ODAD2: variants seen among roughly 807,000 people sequenced by gnomAD.
The protein encoded by ODAD2 is outer dynein arm-docking complex subunit 2.
A neutral mutation model predicts 106.8 loss-of-function variants in ODAD2; 89 were observed. The ratio of observed to expected loss-of-function variants is 0.83; its 90% CI spans 0.70 to 0.99. The LOEUF (loss-of-function observed/expected upper bound fraction) is 0.99, where lower values mean the gene tolerates loss of function less well. ODAD2 is among the 50% of genes least tolerant of loss of function. The pLI is 0.00. For missense variants in ODAD2, 1,168 were observed against 1,238.5 expected (o/e 0.94, Z 0.85); for synonymous variants, 404 against 436.2 (o/e 0.93, Z 0.92).
chr10:27,855,834 T>A (rs1391838314), intron 19 of ODAD2, among the ~76,000 whole-genome samples: 2 of 152,208 alleles, frequency 1.3e-5, no homozygotes, highest in South Asian at 2.1e-4. Context: ...ATTGTATTTG[T>A]CTGCAATCTC....
At chr10:27,829,105 A>C (rs181995597) in intron 19 of ODAD2, among the ~76,000 whole-genome samples, 169 of 152,174 alleles carry the variant, frequency 1.1e-3, no homozygotes, top group Non-Finnish European at 1.8e-3. Flanking sequence ...AGAGAATTAA[A>C]AAGGAAAAAA....
chr10:27,993,972 ATATGTG>A (rs1169985169), intron 2 of ODAD2, among the ~76,000 whole-genome samples: 1 of 92,100 alleles, frequency 1.1e-5, no homozygotes, highest in East Asian at 3.1e-4. Context: ...ATATATATAT[ATATGTG>A]TGTGTGTGTG....
chr10:27,848,237 A>G (rs905272896), intron 19 of ODAD2, among the ~76,000 whole-genome samples: 6 of 152,240 alleles, frequency 3.9e-5, no homozygotes, highest in East Asian at 1.9e-4. Context: ...TAGACAAATG[A>G]AAGAGAACAG....
chr10:27,881,443 A>G (rs948076886), intron 17 of ODAD2, among the ~76,000 whole-genome samples: 2 of 152,046 alleles, frequency 1.3e-5, no homozygotes, highest in African/African-American at 4.8e-5. Flanking sequence ...CAGCCTGGGC[A>G]ACATAGCAAG....
intron 19 of ODAD2, among the ~76,000 whole-genome samples, chr10:27,853,900 T>C (rs143523047): frequency 6.6e-6 from 1 of 152,256 alleles, no homozygotes; most frequent in East Asian, 1.9e-4. Flanking sequence ...TAAATTGGAC[T>C]TCACCAGCGT....
intron 17 of ODAD2, among the ~76,000 whole-genome samples, chr10:27,885,917 A>G (rs1009228191): frequency 2.4e-5 from 3 of 126,186 alleles, no homozygotes; most frequent in Non-Finnish European, 3.2e-5. Flanking sequence ...ATATATATAT[A>G]TTTTTATATA....
At chr10:27,964,160 T>G (rs1848339924) in intron 9 of ODAD2, among the ~76,000 whole-genome samples, 1 of 152,164 alleles carries the variant, frequency 6.6e-6, no homozygotes, top group African/African-American at 2.4e-5. Context: ...AGGCAGAGGT[T>G]GCAATGAGGC....
At chr10:27,821,729 C>A (rs1227787893) in intron 19 of ODAD2, among the ~76,000 whole-genome samples, 1 of 152,176 alleles carries the variant, frequency 6.6e-6, no homozygotes, top group Non-Finnish European at 1.5e-5. Flanking sequence ...AAATTTGGTA[C>A]AAGTGATTAT....
At chr10:27,949,466 A>C (rs1158551296) in intron 10 of ODAD2, among the ~76,000 whole-genome samples, 1 of 152,186 alleles carries the variant, frequency 6.6e-6, no homozygotes, top group Non-Finnish European at 1.5e-5. Context: ...ATCTGGACAG[A>C]AAATAGGCGA....
chr10:27,862,266 A>T (rs576789314), intron 18 of ODAD2, among the ~76,000 whole-genome samples, 168 bp downstream of exon 18: 1 of 152,228 alleles, frequency 6.6e-6, no homozygotes, highest in Non-Finnish European at 1.5e-5. Flanking sequence ...ACGCTTTCAC[A>T]TATATTAGTC....
intron 17 of ODAD2, among the ~76,000 whole-genome samples, chr10:27,895,069 A>G (rs566128802): frequency 6.7e-6 from 1 of 148,808 alleles, no homozygotes; most frequent in Admixed American, 6.7e-5. Context: ...TTAGCTCTTA[A>G]TATCAGTTAT....
intron 19 of ODAD2, among the ~76,000 whole-genome samples, chr10:27,817,046 G>A (rs992792938): frequency 1.3e-5 from 2 of 152,090 alleles, no homozygotes; most frequent in African/African-American, 2.4e-5. Flanking sequence ...CACCGTGCCC[G>A]GCCTGTTATG....
At position 27,812,579 on chromosome 10, in the gene ODAD2, G is replaced by C. The variant is rs749034282; in HGVS notation, c.3068C>G (p.Ala1023Gly). The C allele has an allele frequency of 1.9e-6, 3 of 1,613,056 alleles. No homozygotes were observed. The highest frequency in any genetic ancestry group is 2.5e-6 in the Non-Finnish European group (3 of 1,179,792). ...VGSPDQDLQE[A>G]AAGCISNIRR... ...GATATTGGATATACAACCAGCTGCA[G>C]CTTCCTGGAGATCCTGGTCAGGGGA... Residue 1023 changes from alanine to glycine, a missense_variant, in exon 20 of 20, where the codon GCT (alanine) becomes GGT (glycine). This residue lies in a region of ODAD2 where 701 missense variants were observed against 712.3 expected (regional missense o/e 0.98). Coordinates refer to ENST00000305242, the MANE Select transcript of ODAD2 (RefSeq NM_018076.5).
At chr10:27,933,133 C>T (rs375602405) in intron 16 of ODAD2, among the ~76,000 whole-genome samples, 12 of 152,124 alleles carry the variant, frequency 7.9e-5, no homozygotes, top group African/African-American at 2.9e-4. Context: ...TGATATAGTC[C>T]CAGCTACTAA....
At chr10:27,904,863 T>C (rs1217795564) in intron 17 of ODAD2, 1 of 152,258 alleles carries the variant, frequency 6.6e-6, no homozygotes, top group Non-Finnish European at 1.5e-5. Flanking sequence ...TGATGAGCTG[T>C]GATAGCCAAA....
chr10:27,899,994 C>G (rs1196990402), intron 17 of ODAD2, among the ~76,000 whole-genome samples: 1 of 152,164 alleles, frequency 6.6e-6, no homozygotes, highest in Non-Finnish European at 1.5e-5. Flanking sequence ...TCAAGTCGGT[C>G]TCTGACCCCA....
At chr10:27,910,356 A>G (rs556680061) in intron 16 of ODAD2, among the ~76,000 whole-genome samples, 5 of 152,210 alleles carry the variant, frequency 3.3e-5, no homozygotes, top group African/African-American at 1.2e-4. Context: ...ATGGTATTAA[A>G]CCTGCAATTC....
intron 16 of ODAD2, among the ~76,000 whole-genome samples, chr10:27,915,081 T>C (rs1379136648): frequency 6.6e-6 from 1 of 151,858 alleles, no homozygotes; most frequent in Non-Finnish European, 1.5e-5. Context: ...AATCCATAGG[T>C]CCAAGAAGCT....
chr10:27,991,657 T>C (rs1850247355), intron 2 of ODAD2, among the ~76,000 whole-genome samples: 1 of 152,182 alleles, frequency 6.6e-6, no homozygotes, highest in Admixed American at 6.5e-5. Flanking sequence ...TCAGCGTAGA[T>C]AAAACTTAAC....
Sources: allele counts gnomAD v4.1 joint callset (sites outside exome capture counted in the v4.1 genomes callset), GRCh38; gene constraint gnomAD v4.1.1; regional missense constraint gnomAD v4.1.1; transcripts MANE v1.5; gene names NCBI Gene and HGNC (gene_info 2026-07-23, HGNC 2026-07-21).